Variants in ZBTB44 observed in about 807,000 individuals in gnomAD.
ZBTB44 encodes zinc finger and BTB domain-containing protein 44.
Under a neutral mutation model 54.0 loss-of-function variants are expected in ZBTB44, and 15 were observed. That is an observed-to-expected ratio of 0.28 (90% CI 0.19 to 0.43). The LOEUF (loss-of-function observed/expected upper bound fraction) is 0.43. Ranked by LOEUF, ZBTB44 falls within the 20% of genes least tolerant of loss-of-function variation. The probability of loss-of-function intolerance (pLI) is 1.00; values close to 1 mark genes in which losing one functional copy is unlikely to be tolerated. For synonymous variants in ZBTB44, 230 were observed against 250.1 expected (o/e 0.92, Z 0.76); for missense variants, 487 against 707.1 (o/e 0.69, Z 3.53).
At chr11:130,275,504 T>C (rs1939991406) in intron 1 of ZBTB44, among the ~76,000 whole-genome samples, 2 of 152,150 alleles carry the variant, frequency 1.3e-5, no homozygotes, top group African/African-American at 4.8e-5. Flanking sequence ...TCTGATTTCA[T>C]TTGGATTTCT....
chr11:130,276,800 TTC>T (rs1192634158), intron 1 of ZBTB44, among the ~76,000 whole-genome samples: 1 of 152,186 alleles, frequency 6.6e-6, no homozygotes, highest in African/African-American at 2.4e-5. Context: ...GTTTCTTCAT[TTC>T]TGTTTTTGCT....
chr11:130,262,475 C>T (rs1258515927), intron 1 of ZBTB44, among the ~76,000 whole-genome samples: 1 of 152,150 alleles, frequency 6.6e-6, no homozygotes, highest in African/African-American at 2.4e-5. Context: ...AGGGCTGCAA[C>T]AGTTTGTAAA....
chr11:130,310,933 A>G (rs760201694), intron 1 of ZBTB44, among the ~76,000 whole-genome samples: 1 of 152,132 alleles, frequency 6.6e-6, no homozygotes, highest in Non-Finnish European at 1.5e-5. Context: ...CATTATTTTG[A>G]CTTCTACACT....
chr11:130,309,919 A>C (rs1031976600), intron 1 of ZBTB44, among the ~76,000 whole-genome samples: 1 of 151,920 alleles, frequency 6.6e-6, no homozygotes, highest in Admixed American at 6.6e-5. Context: ...AAAAGTTAAA[A>C]AAGTAGATGG....
chr11:130,262,846 T>G (rs893040982), intron 1 of ZBTB44, among the ~76,000 whole-genome samples: 2 of 152,034 alleles, frequency 1.3e-5, no homozygotes, highest in Non-Finnish European at 2.9e-5. Context: ...TTGCTTGAGC[T>G]CAGGAGTCCA....
chr11:130,297,903 G>A (rs573784699), intron 1 of ZBTB44, among the ~76,000 whole-genome samples: 1 of 152,180 alleles, frequency 6.6e-6, no homozygotes, highest in African/African-American at 2.4e-5. Context: ...AGAGATAAAA[G>A]CATTCTCAAA....
At chr11:130,313,836 C>G (rs1303763227) in intron 1 of ZBTB44, among the ~76,000 whole-genome samples, 1 of 151,912 alleles carries the variant, frequency 6.6e-6, no homozygotes, top group Non-Finnish European at 1.5e-5. Context: ...CTCGAGGTAA[C>G]CCCTTTTTCT....
At chr11:130,283,665 A>G (rs532008691) in intron 1 of ZBTB44, among the ~76,000 whole-genome samples, 6 of 151,954 alleles carry the variant, frequency 3.9e-5, no homozygotes, top group Admixed American at 2.6e-4. Context: ...TTTTTTCTTG[A>G]TATTAAAAAG....
intron 1 of ZBTB44, among the ~76,000 whole-genome samples, chr11:130,263,009 C>T (rs538112345): frequency 1.3e-4 from 20 of 152,252 alleles, no homozygotes; most frequent in Non-Finnish European, 8.8e-5. Context: ...TGCAGTGAGC[C>T]GAGACTGCAC....
At chr11:130,300,090 C>T (rs142019900) in intron 1 of ZBTB44, among the ~76,000 whole-genome samples, 60 of 152,224 alleles carry the variant, frequency 3.9e-4, no homozygotes, top group African/African-American at 1.4e-3. Context: ...TCCGATTACA[C>T]GATGTACTTA....
chr11:130,234,233 CTTCTTG>C lies in ZBTB44; in HGVS notation c.1603_1608del (p.Gln535_Glu536del). 6.6e-7 allele frequency: 1 copy of C among 1,526,650 alleles called. No homozygotes were observed. Among genetic ancestry groups the C allele is most frequent in the Non-Finnish European group, 8.8e-7 (1 of 1,137,304 alleles). The allele number at this position is 1,526,650 out of a possible 1,614,324, so 94.6% of individuals were successfully genotyped here. A position where few individuals can be genotyped will look rare whatever the true frequency, so the allele number is the denominator to read the frequency against. On this transcript the variant is annotated inframe_deletion, in exon 6 of 8. Transcript: ENST00000357899. ...CCAAGATCATATTGAACAAGGGTCTCTTCTTGTTCCTGGTTTAAGTAGTCCGGTACT... is the reference window on the plus strand; with the variant it reads ...CCAAGATCATATTGAACAAGGGTCTCTTCCTGGTTTAAGTAGTCCGGTACT...
chr11:130,308,995 C>T (rs182944702), intron 1 of ZBTB44, among the ~76,000 whole-genome samples: 1 of 152,338 alleles, frequency 6.6e-6, no homozygotes, highest in East Asian at 1.9e-4. Context: ...CCCTCTTGCA[C>T]AAATAACTCA....
At position 130,236,776 on chromosome 11, in the gene ZBTB44, T is replaced by C. The variant is rs534006086; in HGVS notation, c.1568+17A>G. The stretch of plus-strand genomic sequence containing the variant: ...AGAAAGCAGTTTTCCTGGTTGGGTT[T>C]TCGTTGTGCACCTCACCTGCTCTGG... On this transcript the variant is annotated intron_variant, in intron 5 of 7. Transcript: ENST00000357899. 7.6e-7 allele frequency: 1 copy of C among 1,323,034 alleles called. No homozygotes were observed. Among genetic ancestry groups the C allele is most frequent in the Admixed American group, 3.8e-5 (1 of 26,568 alleles). The allele number at this position is 1,323,034 out of a possible 1,614,324, so 82.0% of individuals were successfully genotyped here.
At chr11:130,280,744 T>G (rs149303025) in intron 1 of ZBTB44, among the ~76,000 whole-genome samples, 1 of 152,260 alleles carries the variant, frequency 6.6e-6, no homozygotes, top group East Asian at 1.9e-4. Context: ...TTCCTGTCAT[T>G]GATTAGTTCT....
intron 1 of ZBTB44, chr11:130,295,810 C>T: frequency 7.2e-7 from 1 of 1,391,326 alleles, no homozygotes; most frequent in Non-Finnish European, 1.0e-6. Context: ...ATGCGGAGTC[C>T]TTGTTCTCTC....
intron 1 of ZBTB44, among the ~76,000 whole-genome samples, chr11:130,272,872 A>T (rs949523759): frequency 5.3e-5 from 8 of 152,210 alleles, no homozygotes; most frequent in Non-Finnish European, 7.3e-5. Context: ...TCAGTTGAAC[A>T]CAAATAGGTT....
At position 130,239,841 on chromosome 11, in the gene ZBTB44, G is replaced by A; in HGVS notation, c.1074C>T (p.Ser358=). 6.2e-7 allele frequency: 1 copy of A among 1,612,602 alleles called. No individual in the cohort carries two copies. The highest frequency in any genetic ancestry group is 8.5e-7 in the Non-Finnish European group (1 of 1,179,072). Residue 358 remains serine, a synonymous_variant, in exon 3 of 8, where the codon AGC becomes AGT. Coordinates refer to ENST00000357899, the MANE Select transcript of ZBTB44 (RefSeq NM_001301098.2). Reference sequence around the variant, plus strand: ...CATCATCATCCGGAGGAGCATTAGTGCTAGACGTGCTTTGAAGTGTAGGCA... The same window carrying A: ...CATCATCATCCGGAGGAGCATTAGTACTAGACGTGCTTTGAAGTGTAGGCA... The part of the protein sequence containing the change: ...EGLPTLQSTS[S]TNAPPDDDDR...
chr11:130,254,152 G>A (rs1324471524), intron 2 of ZBTB44, among the ~76,000 whole-genome samples: 2 of 152,140 alleles, frequency 1.3e-5, no homozygotes, highest in African/African-American at 4.8e-5. Context: ...CAGGACATAG[G>A]CATGGGCAAG....
At chr11:130,271,857 T>C (rs143654946) in intron 1 of ZBTB44, among the ~76,000 whole-genome samples, 1 of 152,322 alleles carries the variant, frequency 6.6e-6, no homozygotes, top group East Asian at 1.9e-4. Context: ...TGCTGGGTCA[T>C]ATGGTAACTC....
Sources: gnomAD v4.1 joint callset for allele counts (sites outside exome capture counted in the v4.1 genomes callset) on GRCh38, gnomAD v4.1.1 for gene constraint, MANE v1.5 for transcripts, NCBI Gene and HGNC (gene_info 2026-07-23, HGNC 2026-07-21) for gene names.